Variants in ATG10 observed in about 807,000 individuals in gnomAD.
ATG10 encodes autophagy related 10, also known as ubiquitin-like-conjugating enzyme ATG10.
A neutral mutation model predicts 32.1 loss-of-function variants in ATG10; 30 were observed. The observed-to-expected ratio is 0.94, with a 90% CI of 0.70 to 1.27. The LOEUF is 1.27. Ranked by LOEUF, ATG10 falls within the 50% of genes most tolerant of loss-of-function variation. ATG10 has a pLI of 0.00. For synonymous variants in ATG10, 87 were observed against 91.5 expected (o/e 0.95, Z 0.28); for missense variants, 233 against 262.3 (o/e 0.89, Z 0.77).
At chr5:82,170,419 T>G (rs1461799352) in intron 4 of ATG10, among the ~76,000 whole-genome samples, 3 of 152,172 alleles carry the variant, frequency 2.0e-5, no homozygotes, top group African/African-American at 7.2e-5. Flanking sequence ...CAAAGCAGTA[T>G]TCGAGTCTAT....
intron 5 of ATG10, among the ~76,000 whole-genome samples, chr5:82,212,672 T>G (rs907004118): frequency 6.6e-6 from 1 of 152,202 alleles, no homozygotes; most frequent in Non-Finnish European, 1.5e-5. Context: ...ACTGTGCCAT[T>G]GAGAGTAAAC....
At chr5:82,032,582 T>G (rs1015039835) in intron 2 of ATG10, among the ~76,000 whole-genome samples, 1 of 152,030 alleles carries the variant, frequency 6.6e-6, no homozygotes, top group African/African-American at 2.4e-5. Context: ...TATTAAAAAT[T>G]CAAGCAATAT....
intron 2 of ATG10, among the ~76,000 whole-genome samples, chr5:82,036,559 A>G (rs987520993): frequency 5.9e-5 from 9 of 152,064 alleles, no homozygotes; most frequent in Non-Finnish European, 1.5e-5. Context: ...GTGCCATTGC[A>G]CTCTGGCCTG....
At chr5:82,133,191 G>T (rs917054808) in intron 3 of ATG10, among the ~76,000 whole-genome samples, 2 of 152,108 alleles carry the variant, frequency 1.3e-5, no homozygotes, top group African/African-American at 4.8e-5. Flanking sequence ...TAGGTTGCTT[G>T]TTCATTCTGA....
At chr5:82,028,049 G>A (rs1272446957) in intron 2 of ATG10, among the ~76,000 whole-genome samples, 1 of 152,218 alleles carries the variant, frequency 6.6e-6, no homozygotes, top group Non-Finnish European at 1.5e-5. Context: ...ACCATTAAAA[G>A]CTAAAGCCAA....
At chr5:82,087,625 C>G (rs1581677281) in intron 3 of ATG10, among the ~76,000 whole-genome samples, 1 of 152,156 alleles carries the variant, frequency 6.6e-6, no homozygotes, top group Non-Finnish European at 1.5e-5. Flanking sequence ...GTGAACCTGA[C>G]TGTCAAAGCC....
At chr5:82,206,442 T>C (rs2149971599) in intron 5 of ATG10, among the ~76,000 whole-genome samples, 1 of 151,914 alleles carries the variant, frequency 6.6e-6, no homozygotes, top group East Asian at 1.9e-4. Context: ...GGTCAGGAGA[T>C]CAAGACCATC....
chr5:82,169,077 G>A (rs780348504), intron 4 of ATG10, among the ~76,000 whole-genome samples: 6 of 152,094 alleles, frequency 3.9e-5, no homozygotes, highest in Non-Finnish European at 8.8e-5. Context: ...CACCATATTT[G>A]GAGAACAGTG....
intron 3 of ATG10, among the ~76,000 whole-genome samples, chr5:82,079,873 A>G (rs1764413535): frequency 6.6e-6 from 1 of 152,212 alleles, no homozygotes; most frequent in Admixed American, 6.5e-5. Flanking sequence ...TCCTTTGGGT[A>G]TATACCCAGT....
chr5:82,091,905 C>T (rs1344550436), intron 3 of ATG10, among the ~76,000 whole-genome samples: 1 of 152,152 alleles, frequency 6.6e-6, no homozygotes, highest in Non-Finnish European at 1.5e-5. Context: ...AATCATATTA[C>T]AGTGAACACA....
chr5:82,203,450 C>A (rs1745154569), intron 5 of ATG10, among the ~76,000 whole-genome samples: 1 of 152,142 alleles, frequency 6.6e-6, no homozygotes, highest in African/African-American at 2.4e-5. Flanking sequence ...CTATCGTTAA[C>A]TTTTCAGAGT....
chr5:82,246,541 AAG>A (rs1414225355), intron 5 of ATG10, among the ~76,000 whole-genome samples: 4 of 148,842 alleles, frequency 2.7e-5, no homozygotes, highest in Admixed American at 6.7e-5. Context: ...AAAAGAAAAA[AAG>A]AAAAAAAATT....
At chr5:81,998,777 A>G (rs1256507594) in intron 2 of ATG10, among the ~76,000 whole-genome samples, 1 of 152,150 alleles carries the variant, frequency 6.6e-6, no homozygotes, top group Non-Finnish European at 1.5e-5. Flanking sequence ...CAACAAAGAT[A>G]AAAAATGACA....
chr5:82,247,786 T>A (rs1747092698), intron 5 of ATG10, among the ~76,000 whole-genome samples: 1 of 152,220 alleles, frequency 6.6e-6, no homozygotes, highest in Non-Finnish European at 1.5e-5. Flanking sequence ...CTGAGGGTTG[T>A]CTTTTTCTTG....
chr5:82,039,145 C>A (rs1264805546), intron 2 of ATG10, among the ~76,000 whole-genome samples: 2 of 152,162 alleles, frequency 1.3e-5, no homozygotes, highest in African/African-American at 4.8e-5. Context: ...CGTGCCTGGC[C>A]CCCTTTTAGT....
intron 3 of ATG10, among the ~76,000 whole-genome samples, chr5:82,089,781 A>G (rs1764816432): frequency 6.6e-6 from 1 of 152,104 alleles, no homozygotes; most frequent in Non-Finnish European, 1.5e-5. Flanking sequence ...CTTGTGCTCT[A>G]AGATCCTATT....
At chr5:82,139,211 G>A (rs1358734828) in intron 3 of ATG10, among the ~76,000 whole-genome samples, 2 of 146,058 alleles carry the variant, frequency 1.4e-5, no homozygotes, top group East Asian at 2.0e-4. Context: ...CCTCCCAGCC[G>A]CCTGCCTTGG....
At chr5:82,163,583 A>G (rs1407757147) in intron 3 of ATG10, among the ~76,000 whole-genome samples, 2 of 152,180 alleles carry the variant, frequency 1.3e-5, no homozygotes, top group African/African-American at 2.4e-5. Context: ...TTTAATTTCA[A>G]AGGAAATTCT....
At chr5:82,161,007 CA>C (rs961195824) in intron 3 of ATG10, among the ~76,000 whole-genome samples, 3 of 152,116 alleles carry the variant, frequency 2.0e-5, no homozygotes, top group Admixed American at 6.6e-5. Flanking sequence ...ATGAGTAAGA[CA>C]AGAACCTTAG....
Sources: gnomAD v4.1 joint callset for allele counts (sites outside exome capture counted in the v4.1 genomes callset) on GRCh38, gnomAD v4.1.1 for gene constraint, MANE v1.5 for transcripts, NCBI Gene and HGNC (gene_info 2026-07-23, HGNC 2026-07-21) for gene names.